The following ADCY3 variants were observed in gnomAD, a reference collection of about 807,000 sequenced individuals.
The protein encoded by ADCY3 is adenylate cyclase 3, also known as adenylate cyclase type 3.
Under a neutral mutation model 119.4 loss-of-function variants are expected in ADCY3, and 70 were observed. The ratio of observed to expected loss-of-function variants is 0.59; its 90% CI spans 0.48 to 0.72. The LOEUF is 0.72. Among genes scored for constraint, ADCY3 ranks in the 30% least tolerant of loss-of-function variants. The pLI is 0.00. For synonymous variants in ADCY3, 672 were observed against 621.4 expected, an observed-to-expected ratio of 1.08 and a Z score of -1.21; for missense variants, 1,238 against 1,541.6, an observed-to-expected ratio of 0.80 and a Z score of 3.30.
At position 24,865,144 on chromosome 2, in the gene ADCY3, T is replaced by G. The variant is rs566421122; in HGVS notation, c.825+7426A>C. On this transcript the variant is annotated intron_variant, in intron 3 of 21. Transcript: ENST00000679454. ...AAGGTTGTGGCAATGCAATACAGACTTAGAATGCTCTCTAAGATAGTAGGT... is the reference window on the plus strand; with the variant it reads ...AAGGTTGTGGCAATGCAATACAGACGTAGAATGCTCTCTAAGATAGTAGGT... Among the ~76,000 whole-genome samples the G allele has an allele frequency of 1.4e-4, 21 of 152,314 alleles. No individual in the cohort carries two copies. In the East Asian group the frequency reaches 3.7e-3, roughly 27 times the overall value.
At chr2:24,881,851 G>A (rs944857431) in intron 2 of ADCY3, among the ~76,000 whole-genome samples, 1 of 152,138 alleles carries the variant, frequency 6.6e-6, no homozygotes. Flanking sequence ...CTAGGAGAGC[G>A]GGTGCTACTG....
intron 2 of ADCY3, among the ~76,000 whole-genome samples, chr2:24,901,801 G>T (rs1315296337): frequency 6.7e-6 from 1 of 148,454 alleles, no homozygotes; most frequent in African/African-American, 2.5e-5. Context: ...AAAGAAGAAG[G>T]AAAAAGAAAA....
At chr2:24,840,456 C>G in intron 6 of ADCY3, 1 of 404,416 alleles carries the variant, frequency 2.5e-6, no homozygotes, top group Non-Finnish European at 5.2e-6. Context: ...GTTAGAGTTC[C>G]TGGACTACCA....
At chr2:24,876,680 T>C (rs985321817) in intron 2 of ADCY3, among the ~76,000 whole-genome samples, 2 of 152,162 alleles carry the variant, frequency 1.3e-5, no homozygotes, top group African/African-American at 4.8e-5. Context: ...AAGAACTTGA[T>C]GCTGGGTAAG....
At chr2:24,821,349 G>C in intron 20 of ADCY3, 168 bp downstream of exon 20, 1 of 973,938 alleles carries the variant, frequency 1.0e-6, no homozygotes, top group Non-Finnish European at 1.5e-6. Context: ...TAGTCATCTA[G>C]AGTCGTCTGG....
At position 24,819,577 on chromosome 2, in the gene ADCY3, C is replaced by A; in HGVS notation, c.*355G>T. On this transcript the variant is annotated 3_prime_UTR_variant, in exon 22 of 22. Transcript: ENST00000679454. ...AGTGGAGCTTCCCCGCCTGTGCTCC[C>A]TCCACAGTCCCGGAAAGCCCAGCGG... 1 of 181,258 alleles carries A rather than the reference C, an allele frequency of 5.5e-6. No homozygotes were observed. The highest frequency in any genetic ancestry group is 1.2e-5 in the Non-Finnish European group (1 of 86,058). 11.2% of individuals were successfully genotyped at this position (181,258 alleles called of 1,614,324 possible).
At chr2:24,824,233 T>C in intron 17 of ADCY3, 145 bp downstream of exon 17, 1 of 1,013,744 alleles carries the variant, frequency 9.9e-7, no homozygotes, top group Non-Finnish European at 1.4e-6. Flanking sequence ...CTTTTGCTTA[T>C]TTGTGTTTGC....
At chr2:24,904,540 G>GAA (rs1679258208) in intron 2 of ADCY3, among the ~76,000 whole-genome samples, 1 of 151,854 alleles carries the variant, frequency 6.6e-6, no homozygotes, top group Admixed American at 6.6e-5. Context: ...GAAAAGAAAA[G>GAA]AAAAAAGTAC....
At chr2:24,861,845 TG>T in intron 3 of ADCY3, among the ~76,000 whole-genome samples, 1 of 152,228 alleles carries the variant, frequency 6.6e-6, no homozygotes, top group Non-Finnish European at 1.5e-5. Context: ...CCCCAGGGGC[TG>T]GGGGCCAGCG....
chr2:24,893,064 T>A (rs964407091), intron 2 of ADCY3, among the ~76,000 whole-genome samples: 1 of 150,496 alleles, frequency 6.6e-6, no homozygotes, highest in African/African-American at 2.5e-5. Context: ...GACTGGGCCT[T>A]GCTCTGTCAT....
intron 2 of ADCY3, among the ~76,000 whole-genome samples, chr2:24,882,016 G>A (rs985168152): frequency 2.6e-5 from 4 of 152,242 alleles, no homozygotes; most frequent in Non-Finnish European, 4.4e-5. Flanking sequence ...TGATTCCTGA[G>A]TGTTCACAAT....
At chr2:24,881,194 C>T (rs375168665) in intron 2 of ADCY3, among the ~76,000 whole-genome samples, 3 of 152,154 alleles carry the variant, frequency 2.0e-5, no homozygotes, top group Non-Finnish European at 1.5e-5. Flanking sequence ...ACTGGTACAA[C>T]AGAACAATAA....
chr2:24,903,207 C>T (rs1355822253), intron 2 of ADCY3, among the ~76,000 whole-genome samples: 3 of 152,038 alleles, frequency 2.0e-5, no homozygotes, highest in Non-Finnish European at 2.9e-5. Flanking sequence ...GGCAGCACCC[C>T]TAACGCCTGT....
chr2:24,853,020 G>C (rs1672550065), intron 3 of ADCY3, among the ~76,000 whole-genome samples: 1 of 38,332 alleles, frequency 2.6e-5, no homozygotes, highest in Non-Finnish European at 4.9e-5. Flanking sequence ...GTGTGTGTGT[G>C]TGTGTGTGTG....
intron 2 of ADCY3, among the ~76,000 whole-genome samples, chr2:24,876,991 C>G (rs1419384920): frequency 6.6e-6 from 1 of 152,192 alleles, no homozygotes; most frequent in Admixed American, 6.5e-5. Context: ...ACTTTGCAAA[C>G]CCCTCATCCC....
chr2:24,870,245 C>T (rs1413947787), intron 3 of ADCY3, among the ~76,000 whole-genome samples: 2 of 147,370 alleles, frequency 1.4e-5, no homozygotes, highest in Admixed American at 6.9e-5. Flanking sequence ...CGCTTGAACC[C>T]GGGAGACGGA....
At chr2:24,869,843 A>G (rs935476956) in intron 3 of ADCY3, among the ~76,000 whole-genome samples, 1 of 152,182 alleles carries the variant, frequency 6.6e-6, no homozygotes, top group Non-Finnish European at 1.5e-5. Context: ...AAACCTGTCA[A>G]GCACATGGAA....
chr2:24,866,822 C>CT, intron 3 of ADCY3, among the ~76,000 whole-genome samples: 1 of 152,136 alleles, frequency 6.6e-6, no homozygotes, highest in South Asian at 2.1e-4. Context: ...AGCTCAACCA[C>CT]TGATCTGACA....
intron 3 of ADCY3, among the ~76,000 whole-genome samples, chr2:24,847,421 C>T (rs1442572979): frequency 2.6e-5 from 4 of 152,198 alleles, no homozygotes; most frequent in Non-Finnish European, 4.4e-5. Flanking sequence ...TCTTCCATTT[C>T]CACAGCAATA....
Sources: gnomAD v4.1 joint callset for allele counts (sites outside exome capture counted in the v4.1 genomes callset) on GRCh38, gnomAD v4.1.1 for gene constraint, MANE v1.5 for transcripts, NCBI Gene and HGNC (gene_info 2026-07-23, HGNC 2026-07-21) for gene names.